The following PTPN9 variants were observed in gnomAD, a reference collection of about 807,000 sequenced individuals.
The protein encoded by PTPN9 is tyrosine-protein phosphatase non-receptor type 9.
A neutral mutation model predicts 69.8 loss-of-function variants in PTPN9; 26 were observed. The observed-to-expected ratio is 0.37, with a 90% CI of 0.27 to 0.52. PTPN9 has a LOEUF of 0.52. PTPN9 is among the 20% of genes least tolerant of loss of function. The pLI, the probability that PTPN9 is intolerant of heterozygous loss-of-function variation, is 0.91. For missense variants in PTPN9, 549 were observed against 740.3 expected (o/e 0.74, Z 3.00); for synonymous variants, 274 against 272.5 (o/e 1.01, Z -0.05).
At chr15:75,470,037 T>G (rs759661650) in intron 11 of PTPN9, 38 bp from the exon 12 acceptor site, 1 of 1,548,852 alleles carries the variant, frequency 6.5e-7, no homozygotes, top group South Asian at 1.1e-5. Flanking sequence ...ACAAGGTTAT[T>G]TCTGCCTGCC....
intron 8 of PTPN9, among the ~76,000 whole-genome samples, chr15:75,482,037 AT>A (rs1444839828): frequency 6.7e-6 from 1 of 148,652 alleles, no homozygotes; most frequent in Non-Finnish European, 1.5e-5. Context: ...TGGGGAAAAG[AT>A]TGAGAAATCG....
chr15:75,549,270 G>A (rs2075046752), intron 1 of PTPN9, among the ~76,000 whole-genome samples: 3 of 152,002 alleles, frequency 2.0e-5, no homozygotes, highest in Admixed American at 2.0e-4. Flanking sequence ...GTGAGGACAT[G>A]GCTCACTGCA....
chr15:75,522,093 A>G (rs949147825), intron 4 of PTPN9, among the ~76,000 whole-genome samples: 7 of 152,230 alleles, frequency 4.6e-5, no homozygotes, highest in African/African-American at 1.7e-4. Context: ...GGAAAAAGGA[A>G]TAGCAGAACA....
At chr15:75,489,903 T>C (rs2074699484) in intron 8 of PTPN9, among the ~76,000 whole-genome samples, 1 of 152,174 alleles carries the variant, frequency 6.6e-6, no homozygotes, top group Non-Finnish European at 1.5e-5. Context: ...TATATGACCA[T>C]GACTTTACAA....
chr15:75,503,565 C>T (rs1595954848), intron 7 of PTPN9, among the ~76,000 whole-genome samples: 23 of 111,400 alleles, frequency 2.1e-4, no homozygotes, highest in Admixed American at 5.3e-4. Context: ...GCCCCCCGCC[C>T]GGCCAGCCGC....
At chr15:75,530,565 T>TA (rs1212484158) in intron 1 of PTPN9, among the ~76,000 whole-genome samples, 3 of 81,008 alleles carry the variant, frequency 3.7e-5, no homozygotes, top group African/African-American at 1.6e-4. Context: ...TTATATATTA[T>TA]TATATTATAA....
intron 4 of PTPN9, among the ~76,000 whole-genome samples, chr15:75,521,932 C>G (rs1390959989): frequency 6.6e-6 from 1 of 152,092 alleles, no homozygotes; most frequent in Non-Finnish European, 1.5e-5. Context: ...TCTCAAACTC[C>G]CGGGCTCAGA....
chr15:75,467,292 G>A lies in PTPN9; in HGVS notation c.*1477C>T, dbSNP rs2074540669. The A allele has an allele frequency of 6.6e-6, 1 of 152,626 alleles. No homozygotes were observed. The highest frequency in any genetic ancestry group is 1.5e-5 in the Non-Finnish European group (1 of 68,048). 9.5% of individuals were successfully genotyped at this position (152,626 alleles called of 1,614,324 possible). A position where few individuals can be genotyped will look rare whatever the true frequency, so the allele number is the denominator to read the frequency against. On this transcript the variant is annotated 3_prime_UTR_variant, in exon 13 of 13. Transcript: ENST00000618819. ...ATACACATTCAAAGAGCTTATTACAGTATAAAATTATTGAGGTCTGATCAG... is the reference window on the plus strand; with the variant it reads ...ATACACATTCAAAGAGCTTATTACAATATAAAATTATTGAGGTCTGATCAG...
Position 75,468,623 on chromosome 15 carries a change from G to T in PTPN9, c.*146C>A. On this transcript the variant is annotated 3_prime_UTR_variant, in exon 13 of 13. Transcript: ENST00000618819. ...CACATTTATCTAGCCAAAGGGAAAG[G>T]CTGCCTTGCGTGCACACGTGTGCTG... 1 of 671,576 alleles carries T rather than the reference G, an allele frequency of 1.5e-6. No individual in the cohort carries two copies. Among genetic ancestry groups the T allele is most frequent in the Non-Finnish European group, 2.6e-6 (1 of 388,320 alleles). The allele number at this position is 671,576 out of a possible 1,614,324, so 41.6% of individuals were successfully genotyped here.
chr15:75,473,580 G>A (rs576581380), intron 10 of PTPN9, 109 bp downstream of exon 10: 7 of 978,008 alleles, frequency 7.2e-6, no homozygotes, highest in Middle Eastern at 2.2e-4. Context: ...GTGAGCCACC[G>A]TGCCAGGCTG....
chr15:75,562,709 G>A (rs1156794290), intron 1 of PTPN9, among the ~76,000 whole-genome samples: 5 of 145,164 alleles, frequency 3.4e-5, no homozygotes, highest in Non-Finnish European at 7.5e-5. Context: ...GCGGGCGCCC[G>A]TAGTCCCAGC....
At chr15:75,498,619 G>A (rs2074756677) in intron 7 of PTPN9, among the ~76,000 whole-genome samples, 1 of 152,122 alleles carries the variant, frequency 6.6e-6, no homozygotes, top group South Asian at 2.1e-4. Flanking sequence ...GGAGGCTGAG[G>A]CAGGAGAATC....
intron 1 of PTPN9, among the ~76,000 whole-genome samples, chr15:75,541,110 G>A (rs1005585577): frequency 1.3e-5 from 2 of 151,878 alleles, no homozygotes; most frequent in African/African-American, 4.8e-5. Flanking sequence ...AAAAAAAAGA[G>A]ACAGGATCTT....
At chr15:75,529,371 C>T (rs1245375048) in intron 1 of PTPN9, among the ~76,000 whole-genome samples, 2 of 152,296 alleles carry the variant, frequency 1.3e-5, no homozygotes, top group Non-Finnish European at 2.9e-5. Context: ...CTTTTCTCAG[C>T]TGTTTGTCTG....
At chr15:75,543,076 A>G (rs2075016297) in intron 1 of PTPN9, among the ~76,000 whole-genome samples, 1 of 130,204 alleles carries the variant, frequency 7.7e-6, no homozygotes, top group African/African-American at 3.0e-5. Context: ...TTCAATTCCC[A>G]CCTATGAGTG....
In PTPN9 at chr15:75,468,187, A is replaced by G. The variant is rs1290288533; in HGVS notation, c.*582T>C. Reference sequence around the variant, plus strand: ...TGTATTTATAGAATACGATCATATTATCACATACAATATATATTATATACA... The same window carrying G: ...TGTATTTATAGAATACGATCATATTGTCACATACAATATATATTATATACA... On this transcript the variant is annotated 3_prime_UTR_variant, in exon 13 of 13. Coordinates refer to ENST00000618819, the MANE Select transcript of PTPN9 (RefSeq NM_002833.4). 2 of 152,992 alleles carry G rather than the reference A, an allele frequency of 1.3e-5. No individual in the cohort carries two copies. The highest frequency in any genetic ancestry group is 4.8e-5 in the African/African-American group (2 of 41,448). 9.5% of individuals were successfully genotyped at this position (152,992 alleles called of 1,614,324 possible). A position where few individuals can be genotyped will look rare whatever the true frequency, so the allele number is the denominator to read the frequency against.
At chr15:75,547,195 T>C (rs2075036756) in intron 1 of PTPN9, among the ~76,000 whole-genome samples, 3 of 149,666 alleles carry the variant, frequency 2.0e-5, no homozygotes, top group Admixed American at 6.8e-5. Context: ...CTAGGGAGGC[T>C]GAGGCAGGAG....
intron 1 of PTPN9, among the ~76,000 whole-genome samples, chr15:75,535,060 G>A (rs1039854163): frequency 6.6e-6 from 1 of 151,160 alleles, no homozygotes; most frequent in African/African-American, 2.4e-5. Flanking sequence ...GCAGTGGCGT[G>A]ATCTCGGCTC....
chr15:75,496,795 CTG>C (rs2074745071), intron 7 of PTPN9, among the ~76,000 whole-genome samples: 2 of 152,242 alleles, frequency 1.3e-5, no homozygotes, highest in Admixed American at 1.3e-4. Flanking sequence ...GCATGAGCCA[CTG>C]TGCCTGGCAT....
Sources: allele counts gnomAD v4.1 joint callset (sites outside exome capture counted in the v4.1 genomes callset), GRCh38; gene constraint gnomAD v4.1.1; transcripts MANE v1.5; gene names NCBI Gene and HGNC (gene_info 2026-07-23, HGNC 2026-07-21).